Variants in CLEC16A observed in about 807,000 individuals in gnomAD.
CLEC16A encodes the protein C-type lectin domain containing 16A, also known as protein CLEC16A.
CLEC16A carries 51 observed loss-of-function variants against 109.5 expected under a neutral mutation model. The ratio of observed to expected loss-of-function variants is 0.47; its 90% confidence interval spans 0.37 to 0.59. CLEC16A has a LOEUF of 0.59. Ranked by LOEUF, CLEC16A falls within the 20% of genes least tolerant of loss-of-function variation. The pLI is 0.00. For synonymous variants in CLEC16A, 673 were observed against 564.2 expected, an observed-to-expected ratio of 1.19 and a Z score of -2.73; for missense variants, 1,339 against 1,394.0, an observed-to-expected ratio of 0.96 and a Z score of 0.63.
At chr16:11,160,039 C>T (rs1296480043) in intron 22 of CLEC16A, among the ~76,000 whole-genome samples, 3 of 152,126 alleles carry the variant, frequency 2.0e-5, no homozygotes, top group Non-Finnish European at 4.4e-5. Context: ...CAACTGGGTT[C>T]CTTCCCTTTC....
At chr16:10,963,894 A>G (rs1005806374) in intron 3 of CLEC16A, among the ~76,000 whole-genome samples, 1 of 152,192 alleles carries the variant, frequency 6.6e-6, no homozygotes, top group Admixed American at 6.5e-5. Context: ...GCCCCCCACA[A>G]CAGGGAATTA....
chr16:10,963,777 T>C (rs1423111064), intron 3 of CLEC16A, among the ~76,000 whole-genome samples: 1 of 152,182 alleles, frequency 6.6e-6, no homozygotes, highest in Non-Finnish European at 1.5e-5. Context: ...TCCCAGGCGA[T>C]TAGCTCAGTG....
intron 19 of CLEC16A, among the ~76,000 whole-genome samples, chr16:11,075,084 C>T (rs909042087): frequency 3.3e-5 from 5 of 152,170 alleles, no homozygotes; most frequent in African/African-American, 1.2e-4. Flanking sequence ...GAGCAAGACC[C>T]TATCTCAAGA....
chr16:11,126,022 G>T lies in CLEC16A; in HGVS notation c.2517G>T (p.Gly839=), dbSNP rs1256513661. The T allele has an allele frequency of 1.2e-6, 2 of 1,613,324 alleles. No individual in the cohort carries two copies. The highest frequency in any genetic ancestry group is 1.7e-6 in the Non-Finnish European group (2 of 1,179,814). The change falls in exon 22 of 24, where the codon GGG becomes GGT. Residue 839 remains glycine (G), a synonymous_variant. Coordinates refer to ENST00000409790, the MANE Select transcript of CLEC16A (RefSeq NM_015226.3). ...TCCAGCCCACCACTGAAGTCCTGGGGTTTGGACTCGGCTCCTCCACCTCCA... is the reference window on the plus strand; with the variant it reads ...TCCAGCCCACCACTGAAGTCCTGGGTTTTGGACTCGGCTCCTCCACCTCCA... The part of the protein sequence containing the change: ...LPIQPTTEVL[G]FGLGSSTSTQ...
At chr16:11,092,281 C>T (rs563050381) in intron 19 of CLEC16A, among the ~76,000 whole-genome samples, 1 of 151,852 alleles carries the variant, frequency 6.6e-6, no homozygotes, top group African/African-American at 2.4e-5. Flanking sequence ...CAGGTCAAGA[C>T]TGAAGTGAGC....
chr16:11,061,142 T>G, intron 19 of CLEC16A, 120 bp downstream of exon 19: 2 of 1,198,412 alleles, frequency 1.7e-6, no homozygotes, highest in Non-Finnish European at 1.1e-6. Context: ...GTACTATTAT[T>G]GAGCTGTGAC....
At chr16:11,120,094 C>G (rs6498163) in intron 19 of CLEC16A, among the ~76,000 whole-genome samples, 1 of 151,484 alleles carries the variant, frequency 6.6e-6, no homozygotes, top group Non-Finnish European at 1.5e-5. Context: ...CTCAGCCTCC[C>G]AAGTAGCTGG....
Position 10,944,683 on chromosome 16 carries a change from G to T in CLEC16A, c.-35G>T. On this transcript the variant is annotated 5_prime_UTR_variant, in exon 1 of 24. Transcript: ENST00000409790. ...GGGCCGCTCTGCTGGTCCGGCATGA[G>T]ACCGTGAGACGAGAGACGGGTCGGG... The T allele has an allele frequency of 6.3e-7, 1 of 1,581,028 alleles. No individual in the cohort carries two copies.
chr16:11,064,330 A>C (rs1397578691), intron 19 of CLEC16A, among the ~76,000 whole-genome samples: 1 of 152,268 alleles, frequency 6.6e-6, no homozygotes, highest in Non-Finnish European at 1.5e-5. Flanking sequence ...GCCAGGGTGC[A>C]GGGGCCTGTA....
intron 22 of CLEC16A, among the ~76,000 whole-genome samples, chr16:11,132,397 T>G (rs2053275296): frequency 6.6e-6 from 1 of 152,154 alleles, no homozygotes; most frequent in Non-Finnish European, 1.5e-5. Context: ...GCATCTATCC[T>G]TCTTTTAGCT....
chr16:11,089,842 G>A (rs537243806), intron 19 of CLEC16A, among the ~76,000 whole-genome samples: 5 of 152,320 alleles, frequency 3.3e-5, no homozygotes, highest in Admixed American at 6.5e-5. Flanking sequence ...GCCAGGCACC[G>A]GTCCAAACCA....
In CLEC16A at chr16:10,944,586, A is replaced by T. The variant is rs1311952461; in HGVS notation, c.-132A>T. ...GTCAGTGCTGGGCTGTGGGCCGGGG[A>T]GGAAGGCGGCTCGCGGTTCCTCCAC... On this transcript the variant is annotated 5_prime_UTR_variant, in exon 1 of 24. Transcript: ENST00000409790. 2 of 853,774 alleles carry T rather than the reference A, an allele frequency of 2.3e-6. No individual in the cohort carries two copies. The highest frequency in any genetic ancestry group is 2.7e-5 in the East Asian group (1 of 36,934). 52.9% of individuals were successfully genotyped at this position (853,774 alleles called of 1,614,324 possible).
At chr16:11,088,795 C>A (rs1370619165) in intron 19 of CLEC16A, among the ~76,000 whole-genome samples, 1 of 152,178 alleles carries the variant, frequency 6.6e-6, no homozygotes, top group Admixed American at 6.5e-5. Context: ...GAGTGGGCGC[C>A]GTCCTGGGCT....
intron 18 of CLEC16A, among the ~76,000 whole-genome samples, chr16:11,055,984 A>G (rs1425947737): frequency 6.6e-6 from 1 of 152,192 alleles, no homozygotes; most frequent in African/African-American, 2.4e-5. Flanking sequence ...GATGCAAGAC[A>G]AGAATGATGA....
At chr16:11,066,001 C>G (rs916210320) in intron 19 of CLEC16A, among the ~76,000 whole-genome samples, 1 of 152,196 alleles carries the variant, frequency 6.6e-6, no homozygotes, top group Admixed American at 6.5e-5. Context: ...GGCCTTCGAG[C>G]TGCACTGGGG....
At chr16:10,949,398 A>C (rs2041606013) in intron 1 of CLEC16A, among the ~76,000 whole-genome samples, 1 of 152,082 alleles carries the variant, frequency 6.6e-6, no homozygotes, top group African/African-American at 2.4e-5. Flanking sequence ...ACGCTGTTTA[A>C]ATGGAGACCA....
intron 16 of CLEC16A, among the ~76,000 whole-genome samples, chr16:11,044,873 C>T (rs1048322223): frequency 2.0e-5 from 3 of 150,332 alleles, no homozygotes; most frequent in African/African-American, 4.9e-5. Flanking sequence ...TTGCGGCGAG[C>T]CAAGATAGCG....
At chr16:10,977,449 G>A in intron 8 of CLEC16A, 50 bp downstream of exon 8, 1 of 1,542,562 alleles carries the variant, frequency 6.5e-7, no homozygotes, top group Non-Finnish European at 8.9e-7. Flanking sequence ...CAGAAGTGGG[G>A]AAGAACAGTC....
chr16:11,152,066 T>C (rs1429952907), intron 22 of CLEC16A, among the ~76,000 whole-genome samples: 4 of 152,068 alleles, frequency 2.6e-5, no homozygotes, highest in African/African-American at 9.7e-5. Flanking sequence ...GGAACCAGCA[T>C]TGAACAGCAG....
Sources: allele counts gnomAD v4.1 joint callset (sites outside exome capture counted in the v4.1 genomes callset), GRCh38; gene constraint gnomAD v4.1.1; transcripts MANE v1.5; gene names NCBI Gene and HGNC (gene_info 2026-07-23, HGNC 2026-07-21).